Variants in ZDHHC11B observed in about 807,000 individuals in gnomAD.
ZDHHC11B encodes the protein probable palmitoyltransferase ZDHHC11B.
A neutral mutation model predicts 42.3 loss-of-function variants in ZDHHC11B; 17 were observed. The observed-to-expected ratio is 0.40, with a 90% CI of 0.27 to 0.60. The LOEUF is 0.60. Ranked by LOEUF, ZDHHC11B falls within the 20% of genes least tolerant of loss-of-function variation. ZDHHC11B has a pLI of 0.41. For synonymous variants in ZDHHC11B, 123 were observed against 193.5 expected (o/e 0.64, Z 3.02); for missense variants, 262 against 463.2 (o/e 0.57, Z 3.99).
intron 6 of ZDHHC11B, among the ~76,000 whole-genome samples, chr5:752,870 C>T (rs1253505108): frequency 8.3e-6 from 1 of 120,552 alleles, no homozygotes; most frequent in African/African-American, 2.6e-5. Flanking sequence ...CCTCATCCTA[C>T]TGTCTGGAGA....
chr5:743,382 C>T (rs1726713347), intron 9 of ZDHHC11B, among the ~76,000 whole-genome samples: 2 of 148,478 alleles, frequency 1.3e-5, no homozygotes, highest in African/African-American at 4.9e-5. Context: ...TTGGCTAGTA[C>T]AGTAGCCTAG....
At position 751,745 on chromosome 5, in the gene ZDHHC11B, C is replaced by CA. The variant is rs1745794949; in HGVS notation, c.504-489_504-488insT. On this transcript the variant is annotated intron_variant, in intron 6 of 13. Coordinates refer to ENST00000508859, the MANE Select transcript of ZDHHC11B (RefSeq NM_001351303.2). ...CTCCTGTCTCTGTGCCATCCTGTGA[C>CA]GCCCCCCCAGGTCTCCAGGCCTCTC... Among the ~76,000 whole-genome samples, 7 of 127,112 alleles carry CA rather than the reference C, an allele frequency of 5.5e-5. 1 individual carries two copies. The highest frequency in any genetic ancestry group is 9.0e-5 in the Admixed American group (1 of 11,050). 83.4% of individuals were successfully genotyped at this position (127,112 alleles called of 152,430 possible). A position where few individuals can be genotyped will look rare whatever the true frequency, so the allele number is the denominator to read the frequency against.
At chr5:723,129 G>A (rs1742316146) in intron 12 of ZDHHC11B, among the ~76,000 whole-genome samples, 1 of 150,872 alleles carries the variant, frequency 6.6e-6, no homozygotes, top group Non-Finnish European at 1.5e-5. Flanking sequence ...TGTTGTTGGT[G>A]CTTCCTCCAC....
chr5:766,078 T>C, intron 4 of ZDHHC11B, among the ~76,000 whole-genome samples: 1 of 152,004 alleles, frequency 6.6e-6, no homozygotes, highest in African/African-American at 2.4e-5. Context: ...GTTTCTCAAC[T>C]GAATGCCATG....
intron 12 of ZDHHC11B, among the ~76,000 whole-genome samples, chr5:726,089 G>A (rs1433735505): frequency 6.8e-6 from 1 of 146,406 alleles, no homozygotes; most frequent in Non-Finnish European, 1.5e-5. Flanking sequence ...GCAAAACGCA[G>A]ACCAGAATAT....
intron 4 of ZDHHC11B, among the ~76,000 whole-genome samples, chr5:766,422 C>G: frequency 6.6e-6 from 1 of 151,882 alleles, no homozygotes; most frequent in East Asian, 1.9e-4. Context: ...CATGTGGGAG[C>G]GGTCTGACAT....
At chr5:751,474 CG>C (rs1745712794) in intron 6 of ZDHHC11B, among the ~76,000 whole-genome samples, 1 of 28,270 alleles carries the variant, frequency 3.5e-5, no homozygotes, top group East Asian at 1.0e-3. Context: ...GAGGCAGGGG[CG>C]GGGGCATGCA....
intron 4 of ZDHHC11B, among the ~76,000 whole-genome samples, chr5:761,395 T>C (rs1472936214): frequency 2.6e-5 from 4 of 151,904 alleles, no homozygotes; most frequent in African/African-American, 9.7e-5. Flanking sequence ...GGGGAGGCCA[T>C]CTAGGACCCA....
intron 3 of ZDHHC11B, 163 bp from the exon 4 acceptor site, chr5:767,082 A>G: frequency 1.0e-6 from 1 of 973,694 alleles, no homozygotes; most frequent in East Asian, 2.5e-5. Context: ...CAGAGGGAGC[A>G]GGGGTTGGGC....
intron 12 of ZDHHC11B, among the ~76,000 whole-genome samples, chr5:718,571 C>T (rs1253677727): frequency 6.6e-6 from 1 of 151,344 alleles, no homozygotes; most frequent in African/African-American, 2.4e-5. Flanking sequence ...TGGTGAGTGC[C>T]TGTAGTCCCA....
rs368395611 is a variant in ZDHHC11B at position 710,885 on chromosome 5, C to A, written c.*1405G>T. ...CTCCCATTTCCCAGTACTGTGCTCC[C>A]AATTCCCAGTACTGTGCTCCCATTT... On this transcript the variant is annotated 3_prime_UTR_variant, in exon 14 of 14. Coordinates refer to ENST00000508859, the MANE Select transcript of ZDHHC11B (RefSeq NM_001351303.2). 1 of 148,638 alleles carries A rather than the reference C, an allele frequency of 6.7e-6. No homozygotes were observed. The highest frequency in any genetic ancestry group is 1.5e-5 in the Non-Finnish European group (1 of 67,026). 9.2% of individuals were successfully genotyped at this position (148,638 alleles called of 1,614,324 possible).
rs551940958 is a variant in ZDHHC11B at position 711,233 on chromosome 5, T to G, written c.*1057A>C. 1.3e-3 allele frequency: 193 copies of G among 153,446 alleles called. 1 individual carries two copies. Among genetic ancestry groups the G allele is most frequent in the African/African-American group, 4.4e-3 (177 of 40,320 alleles). 9.5% of individuals were successfully genotyped at this position (153,446 alleles called of 1,614,324 possible). ...CCCTTTCCCAGTACTGTGCTCCCATTTCCCAATACTGTGCTCCCATTTCCT... is the reference window on the plus strand; with the variant it reads ...CCCTTTCCCAGTACTGTGCTCCCATGTCCCAATACTGTGCTCCCATTTCCT... On this transcript the variant is annotated 3_prime_UTR_variant, in exon 14 of 14. Coordinates refer to ENST00000508859, the MANE Select transcript of ZDHHC11B (RefSeq NM_001351303.2).
intron 12 of ZDHHC11B, among the ~76,000 whole-genome samples, chr5:722,212 T>C (rs1400732783): frequency 1.3e-5 from 2 of 151,906 alleles, no homozygotes; most frequent in East Asian, 1.9e-4. Context: ...AACATGACTA[T>C]ACTGTAATGC....
rs4247710 is a variant in ZDHHC11B at position 733,883 on chromosome 5, G to C, written c.936-44C>G. On this transcript the variant is annotated intron_variant, in intron 10 of 13. Transcript: ENST00000508859. Reference sequence around the variant, plus strand: ...GGAGAGAAACTCATCTCAGCTTTGTGGGGGGGCTCAGGGTGGCACTGGAGG... The same window carrying C: ...GGAGAGAAACTCATCTCAGCTTTGTCGGGGGGCTCAGGGTGGCACTGGAGG... 3.3e-5 allele frequency: 50 copies of C among 1,520,288 alleles called. 5 individuals carry two copies. The African/African-American group carries it at 5.0e-4, about 15-fold the overall frequency. The allele number at this position is 1,520,288 out of a possible 1,614,324, so 94.2% of individuals were successfully genotyped here.
At chr5:774,843 T>G (rs1434699922) in intron 1 of ZDHHC11B, among the ~76,000 whole-genome samples, 1 of 151,872 alleles carries the variant, frequency 6.6e-6, no homozygotes, top group African/African-American at 2.4e-5. Flanking sequence ...CAGCTGCTGT[T>G]TTAAAGATAG....
Position 756,230 on chromosome 5 carries a change from G to A in ZDHHC11B, c.223-86C>T, listed in dbSNP as rs368186821. ...TGAGGCCCAAGGTCCCAGAAGAGGC[G>A]TGGCCACTGGTCAGCCCTGCTCACC... On this transcript the variant is annotated intron_variant, in intron 4 of 13. Transcript: ENST00000508859. The A allele has an allele frequency of 4.0e-3, 6,163 of 1,525,464 alleles. 28 individuals are homozygous for A. The African/African-American group carries it at 0.076, about 19-fold the overall frequency. The allele number at this position is 1,525,464 out of a possible 1,614,324, so 94.5% of individuals were successfully genotyped here. A position where few individuals can be genotyped will look rare whatever the true frequency, so the allele number is the denominator to read the frequency against.
At chr5:770,221 G>A (rs533798195) in intron 1 of ZDHHC11B, among the ~76,000 whole-genome samples, 13 of 150,608 alleles carry the variant, frequency 8.6e-5, no homozygotes, top group South Asian at 4.3e-4. Flanking sequence ...AGGACGTGGC[G>A]AGGGCTGAGA....
In ZDHHC11B at chr5:777,510, G is replaced by T. The variant is rs570740167; in HGVS notation, c.-230+7158C>A. On this transcript the variant is annotated intron_variant, in intron 1 of 13. Transcript: ENST00000508859. ...GCAAGATTTATTGCTAAGAGCAAAAGAACAAACTTTCCACAGCGGAGAAGA... is the reference window on the plus strand; with the variant it reads ...GCAAGATTTATTGCTAAGAGCAAAATAACAAACTTTCCACAGCGGAGAAGA... Among the ~76,000 whole-genome samples, 23 of 152,004 alleles carry T rather than the reference G, an allele frequency of 1.5e-4. 1 individual carries two copies. In the South Asian group the frequency reaches 4.6e-3, roughly 30 times the overall value.
intron 12 of ZDHHC11B, among the ~76,000 whole-genome samples, chr5:719,260 A>ATTAT (rs1426736854): frequency 6.6e-6 from 1 of 151,700 alleles, no homozygotes; most frequent in Non-Finnish European, 1.5e-5. Flanking sequence ...TTAACAAAAA[A>ATTAT]AGAACATATA....
Sources: allele counts gnomAD v4.1 joint callset (sites outside exome capture counted in the v4.1 genomes callset), GRCh38; gene constraint gnomAD v4.1.1; transcripts MANE v1.5; gene names NCBI Gene and HGNC (gene_info 2026-07-23, HGNC 2026-07-21).